Variants in GPR85 observed in about 807,000 individuals in gnomAD.
GPR85 encodes the protein probable G protein-coupled receptor 85.
Under a neutral mutation model 21.3 loss-of-function variants are expected in GPR85, and 7 were observed. The ratio of observed to expected loss-of-function variants is 0.33; its 90% confidence interval spans 0.19 to 0.62. GPR85 has a LOEUF of 0.62. GPR85 is among the 20% of genes least tolerant of loss of function. The pLI is 0.80. For synonymous variants in GPR85, 167 were observed against 166.1 expected (o/e 1.01, Z -0.04); for missense variants, 299 against 443.8 (o/e 0.67, Z 2.93).
At position 113,084,128 on chromosome 7, in the gene GPR85, T is replaced by C; in HGVS notation, c.594A>G (p.Thr198=). 6.2e-7 allele frequency: 1 copy of C among 1,614,102 alleles called. No homozygotes were observed. Among genetic ancestry groups the C allele is most frequent in the Non-Finnish European group, 8.5e-7 (1 of 1,180,000 alleles). Residue 198 remains threonine, a synonymous_variant, in exon 3 of 3, where the codon ACA becomes ACG. Transcript: ENST00000424100. ...MLLLALILLA[T]QLVYLKLIFF... ...ATATCAGCTTGAGGTAGACAAGCTG[T>C]GTGGCTAGGAGGATGAGAGCAAGAA...
rs1256721007 is a variant in GPR85, at chr7:113,086,735, C to G, written c.-702G>C. Among the ~76,000 whole-genome samples the G allele has an allele frequency of 6.6e-6, 1 of 152,056 alleles. No homozygotes were observed. The highest frequency in any genetic ancestry group is 1.5e-5 in the Non-Finnish European group (1 of 68,018). On this transcript the variant is annotated 5_prime_UTR_variant, in exon 1 of 3. Transcript: ENST00000424100. The stretch of plus-strand genomic sequence containing the variant: ...TTGTCCCTTCGTGGCTGCTTCTGAA[C>G]TTTTCCCTCCCCGCATTTGTAGTGG...
Position 113,086,396 on chromosome 7 carries a change from C to CTTTTTTGTTTTTTTTTTTGTTTTTTTT in GPR85, c.-364_-363insAAAAAAAACAAAAAAAAAAACAAAAAA, listed in dbSNP as rs1794282832. On this transcript the variant is annotated 5_prime_UTR_variant, in exon 1 of 3. Coordinates refer to ENST00000424100, the MANE Select transcript of GPR85 (RefSeq NM_001146267.2). ...CTGATTTTTTTCTTTTTTTCTTTTTCTTTTTTTTTTTTTTTTTTTTGTTTT... is the reference window on the plus strand; with the variant it reads ...CTGATTTTTTTCTTTTTTTCTTTTTCTTTTTTGTTTTTTTTTTTGTTTTTTTTTTTTTTTTTTTTTTTTTTTTGTTTT... The CTTTTTTGTTTTTTTTTTTGTTTTTTTT allele has an allele frequency of 2.1e-5, 1 of 48,066 alleles. No individual in the cohort carries two copies. Among genetic ancestry groups the CTTTTTTGTTTTTTTTTTTGTTTTTTTT allele is most frequent in the Non-Finnish European group, 3.6e-5 (1 of 28,132 alleles). The allele number at this position is 48,066 out of a possible 1,614,324, so 3.0% of individuals were successfully genotyped here.
rs1794296050 is a variant in GPR85, at chr7:113,086,417, G to GTTTTTTTTTTTTTTTTTTT, written c.-385_-384insAAAAAAAAAAAAAAAAAAA. On this transcript the variant is annotated 5_prime_UTR_variant, in exon 1 of 3. An upstream open reading frame in the 5' UTR loses its in-frame stop. Coordinates refer to ENST00000424100, the MANE Select transcript of GPR85 (RefSeq NM_001146267.2). ...TTTTCTTTTTTTTTTTTTTTTTTTT[G>GTTTTTTTTTTTTTTTTTTT]TTTTTTGTTTTTTTTTTTTTTTTTT... is the stretch of plus-strand genomic sequence containing the variant. The GTTTTTTTTTTTTTTTTTTT allele has an allele frequency of 6.0e-5, 4 of 66,632 alleles. No homozygotes were observed. The highest frequency in any genetic ancestry group is 5.0e-4 in the Admixed American group (2 of 3,978). The allele number at this position is 66,632 out of a possible 1,614,324, so 4.1% of individuals were successfully genotyped here.
intron 1 of GPR85, 94 bp from the exon 2 acceptor site, chr7:113,086,203 C>CACAG (rs1554401680): frequency 8.2e-4 from 20 of 24,518 alleles, no homozygotes; most frequent in African/African-American, 1.1e-3. Flanking sequence ...CAGAGACACA[C>CACAG]ACACACACAC....
rs17852761 is a variant in GPR85 at position 113,084,205 on chromosome 7, T to C, written c.517A>G (p.Thr173Ala). 6.2e-7 allele frequency: 1 copy of C among 1,614,092 alleles called. No homozygotes were observed. Among genetic ancestry groups the C allele is most frequent in the East Asian group, 2.2e-5 (1 of 44,868 alleles). Residue 173 changes from threonine to alanine, a missense_variant, in exon 3 of 3, where the codon ACC becomes GCC. Transcript: ENST00000424100. Reference protein sequence around the residue: ...YSFIREEDQCTFQHRSFRAND... With the variant: ...YSFIREEDQCAFQHRSFRAND... ...GCCCTGAAGGAGCGGTGTTGGAAGG[T>C]GCATTGATCTTCCTCCCTAATGAAT...
At position 113,084,677 on chromosome 7, in the gene GPR85, G is replaced by T. The variant is rs370779432; in HGVS notation, c.45C>A (p.Leu15=). The T allele has an allele frequency of 1.1e-5, 18 of 1,613,784 alleles. No individual in the cohort carries two copies. In the African/African-American group the frequency reaches 1.9e-4, roughly 17 times the overall value. Reference sequence around the variant, plus strand: ...GTTTCAGAAAGGCTGTTAGAGGCGAGAGATTTTGCAAAATGTTGTCAGCTG... The same window carrying T: ...GTTTCAGAAAGGCTGTTAGAGGCGATAGATTTTGCAAAATGTTGTCAGCTG... ...SHAADNILQN[L]SPLTAFLKLT... is the part of the protein sequence containing the mutation. The change falls in exon 3 of 3, where the codon CTC becomes CTA. Residue 15 remains leucine (L), a synonymous_variant. Coordinates refer to ENST00000424100, the MANE Select transcript of GPR85 (RefSeq NM_001146267.2).
At chr7:113,085,689 G>A (rs1459620946) in intron 2 of GPR85, among the ~76,000 whole-genome samples, 1 of 152,142 alleles carries the variant, frequency 6.6e-6, no homozygotes, top group African/African-American at 2.4e-5. Flanking sequence ...CAAATCACAA[G>A]TGGCTGCTTT....
Position 113,084,677 on chromosome 7 carries a change from G to A in GPR85, c.45C>T (p.Leu15=). 2 of 1,613,784 alleles carry A rather than the reference G, an allele frequency of 1.2e-6. No homozygotes were observed. The highest frequency in any genetic ancestry group is 1.7e-6 in the Non-Finnish European group (2 of 1,179,808). ...SHAADNILQN[L]SPLTAFLKLT... is the part of the protein sequence containing the mutation. Reference sequence around the variant, plus strand: ...GTTTCAGAAAGGCTGTTAGAGGCGAGAGATTTTGCAAAATGTTGTCAGCTG... The same window carrying A: ...GTTTCAGAAAGGCTGTTAGAGGCGAAAGATTTTGCAAAATGTTGTCAGCTG... Residue 15 remains leucine (L), a synonymous_variant, in exon 3 of 3, where the codon CTC becomes CTT. Transcript: ENST00000424100.
In GPR85 at chr7:113,083,975, C is replaced by G; in HGVS notation, c.747G>C (p.Arg249Ser). 6.2e-7 allele frequency: 1 copy of G among 1,614,178 alleles called. No homozygotes were observed. Among genetic ancestry groups the G allele is most frequent in the Non-Finnish European group, 8.5e-7 (1 of 1,180,022 alleles). The change falls in exon 3 of 3, where the codon AGG becomes AGC. Residue 249 changes from arginine to serine, a missense_variant. Around this residue, in one of 2 missense-constraint regions of GPR85, gnomAD observed 198 missense variants for 335.4 expected, o/e 0.59. Transcript: ENST00000424100. This position sits in a 1 kb window ranked among gnomAD's most constrained non-coding sequence, Gnocchi z 4.4. ...AAANWLAGFG[R>S]GPTPPTLLGI... ...CCAGCAAGGTGGGTGGTGTGGGACC[C>G]CTTCCAAATCCTGCTAGCCAATTGG...
In GPR85 at chr7:113,083,531, T is replaced by A. The variant is rs1478757770; in HGVS notation, c.*78A>T. On this transcript the variant is annotated 3_prime_UTR_variant, in exon 3 of 3. Coordinates refer to ENST00000424100, the MANE Select transcript of GPR85 (RefSeq NM_001146267.2). This position sits in a 1 kb window ranked among gnomAD's most constrained non-coding sequence, Gnocchi z 4.4. ...GCTGATTCCATTCTTGAATTTCTTC[T>A]CAAAATATGGCTATGGGCCACAATT... 8 of 1,318,842 alleles carry A rather than the reference T, an allele frequency of 6.1e-6. No individual in the cohort carries two copies. Among genetic ancestry groups the A allele is most frequent in the Non-Finnish European group, 7.3e-6 (7 of 953,192 alleles). The allele number at this position is 1,318,842 out of a possible 1,614,324, so 81.7% of individuals were successfully genotyped here. A position where few individuals can be genotyped will look rare whatever the true frequency, so the allele number is the denominator to read the frequency against.
chr7:113,083,919 C>T lies in GPR85; in HGVS notation c.803G>A (p.Arg268Lys). Residue 268 changes from arginine to lysine, a missense_variant, in exon 3 of 3, where the codon AGA becomes AAA. By Grantham distance (26) the Arg-to-Lys change is conservative. This residue lies in a region of GPR85 where 198 missense variants were observed against 335.4 expected (regional missense o/e 0.59). Coordinates refer to ENST00000424100, the MANE Select transcript of GPR85 (RefSeq NM_001146267.2). The surrounding 1 kb of genome is among the most constrained non-coding windows in gnomAD (Gnocchi z 4.4). ...CTCGTCTAAGACCAATAGCCTTCTT[C>T]TGCCTGTGGTGTTTGCATTTTGCCT... ...GIRQNANTTG[R>K]RRLLVLDEFK... 1.2e-6 allele frequency: 2 copies of T among 1,614,190 alleles called. No individual in the cohort carries two copies. Among genetic ancestry groups the T allele is most frequent in the Non-Finnish European group, 1.7e-6 (2 of 1,180,018 alleles).
chr7:113,085,745 G>A lies in GPR85; in HGVS notation c.-171+247C>T, dbSNP rs577230993. Among the ~76,000 whole-genome samples, 12 of 152,312 alleles carry A rather than the reference G, an allele frequency of 7.9e-5. 1 individual carries two copies. Among genetic ancestry groups the A allele is most frequent in the African/African-American group, 2.4e-4 (10 of 41,576 alleles). On this transcript the variant is annotated intron_variant, in intron 2 of 2. Coordinates refer to ENST00000424100, the MANE Select transcript of GPR85 (RefSeq NM_001146267.2). ...TCTCGCAGGTGCCTGGACCACACCA[G>A]GGAAATCGGCTTCCTCTGTTATTCC...
chr7:113,084,737 A>G lies in GPR85; in HGVS notation c.-16T>C. 6.3e-7 allele frequency: 1 copy of G among 1,597,406 alleles called. No homozygotes were observed. The highest frequency in any genetic ancestry group is 1.1e-5 in the South Asian group (1 of 88,614). On this transcript the variant is annotated 5_prime_UTR_variant, in exon 3 of 3. Transcript: ENST00000424100. Reference sequence around the variant, plus strand: ...AGTTCGCCATAGATGGATGGAGGATAAGGATACAGCCTCAGTCAAGTCTCA... The same window carrying G: ...AGTTCGCCATAGATGGATGGAGGATGAGGATACAGCCTCAGTCAAGTCTCA...
chr7:113,086,430 T>TTTTTTTTTTTTTTTTTTTTTTTTTTTTG lies in GPR85; in HGVS notation c.-398_-397insCAAAAAAAAAAAAAAAAAAAAAAAAAAA, dbSNP rs1794301281. 9.4e-6 allele frequency: 1 copy of TTTTTTTTTTTTTTTTTTTTTTTTTTTTG among 106,548 alleles called. No homozygotes were observed. The highest frequency in any genetic ancestry group is 3.8e-5 in the African/African-American group (1 of 26,090). 6.6% of individuals were successfully genotyped at this position (106,548 alleles called of 1,614,324 possible). A position where few individuals can be genotyped will look rare whatever the true frequency, so the allele number is the denominator to read the frequency against. ...TTTTTTTTTTTTGTTTTTTGTTTTT[T>TTTTTTTTTTTTTTTTTTTTTTTTTTTTG]TTTTTTTTTTTTTTGCCTTAGTGCC... On this transcript the variant is annotated 5_prime_UTR_variant, in exon 1 of 3. An upstream open reading frame in the 5' UTR loses its in-frame stop. Coordinates refer to ENST00000424100, the MANE Select transcript of GPR85 (RefSeq NM_001146267.2).
In GPR85 at chr7:113,086,397, T is replaced by TTTTTTTTTTTTTTTTTTTTTTTTC. The variant is rs1794286830; in HGVS notation, c.-365_-364insGAAAAAAAAAAAAAAAAAAAAAAA. 1 of 16,298 alleles carries TTTTTTTTTTTTTTTTTTTTTTTTC rather than the reference T, an allele frequency of 6.1e-5. No homozygotes were observed. Among genetic ancestry groups the TTTTTTTTTTTTTTTTTTTTTTTTC allele is most frequent in the Non-Finnish European group, 1.1e-4 (1 of 8,946 alleles). 1.0% of individuals were successfully genotyped at this position (16,298 alleles called of 1,614,324 possible). On this transcript the variant is annotated 5_prime_UTR_variant, in exon 1 of 3. Coordinates refer to ENST00000424100, the MANE Select transcript of GPR85 (RefSeq NM_001146267.2). ...TGATTTTTTTCTTTTTTTCTTTTTCTTTTTTTTTTTTTTTTTTTTGTTTTT... is the reference window on the plus strand; with the variant it reads ...TGATTTTTTTCTTTTTTTCTTTTTCTTTTTTTTTTTTTTTTTTTTTTTTCTTTTTTTTTTTTTTTTTTTGTTTTT...
chr7:113,083,894 C>T lies in GPR85; in HGVS notation c.828G>A (p.Glu276=). 1 of 1,614,152 alleles carries T rather than the reference C, an allele frequency of 6.2e-7. No homozygotes were observed. Among genetic ancestry groups the T allele is most frequent in the Non-Finnish European group, 8.5e-7 (1 of 1,180,018 alleles). Residue 276 remains glutamate (E), a synonymous_variant, in exon 3 of 3, where the codon GAG becomes GAA. Coordinates refer to ENST00000424100, the MANE Select transcript of GPR85 (RefSeq NM_001146267.2). The surrounding 1 kb of genome is among the most constrained non-coding windows in gnomAD (Gnocchi z 4.4). ...TGRRRLLVLD[E]FKMEKRISRM... is the part of the protein sequence containing the mutation. ...TGCTGATTCTTTTCTCCATTTTGAA[C>T]TCGTCTAAGACCAATAGCCTTCTTC...
rs770945564 is a variant in GPR85 at position 113,084,668 on chromosome 7, T to C, written c.54A>G (p.Leu18=). 1 of 1,613,818 alleles carries C rather than the reference T, an allele frequency of 6.2e-7. No individual in the cohort carries two copies. Among genetic ancestry groups the C allele is most frequent in the Non-Finnish European group, 8.5e-7 (1 of 1,179,820 alleles). The change falls in exon 3 of 3, where the codon CTA becomes CTG. Residue 18 remains leucine, a synonymous_variant. Coordinates refer to ENST00000424100, the MANE Select transcript of GPR85 (RefSeq NM_001146267.2). The part of the protein sequence containing the change: ...ADNILQNLSP[L]TAFLKLTSLG... Reference sequence around the variant, plus strand: ...AGGAAGTCAGTTTCAGAAAGGCTGTTAGAGGCGAGAGATTTTGCAAAATGT... The same window carrying C: ...AGGAAGTCAGTTTCAGAAAGGCTGTCAGAGGCGAGAGATTTTGCAAAATGT...
chr7:113,086,435 T>TTTTTTTTTTC lies in GPR85; in HGVS notation c.-403_-402insGAAAAAAAAA. 1 of 119,878 alleles carries TTTTTTTTTTC rather than the reference T, an allele frequency of 8.3e-6. No individual in the cohort carries two copies. Among genetic ancestry groups the TTTTTTTTTTC allele is most frequent in the Non-Finnish European group, 1.8e-5 (1 of 56,426 alleles). 7.4% of individuals were successfully genotyped at this position (119,878 alleles called of 1,614,324 possible). ...TTTTTTTGTTTTTTGTTTTTTTTTTTTTTTTTTTTGCCTTAGTGCCTTGAC... is the reference window on the plus strand; with the variant it reads ...TTTTTTTGTTTTTTGTTTTTTTTTTTTTTTTTTTTCTTTTTTTTTGCCTTAGTGCCTTGAC... On this transcript the variant is annotated 5_prime_UTR_variant, in exon 1 of 3. An upstream open reading frame in the 5' UTR gains an earlier in-frame stop. Transcript: ENST00000424100.
rs1172410456 is a variant in GPR85 at position 113,086,759 on chromosome 7, G to A, written c.-726C>T. 4.6e-5 allele frequency among the ~76,000 whole-genome samples: 7 copies of A among 151,948 alleles called. No individual in the cohort carries two copies. Among genetic ancestry groups the A allele is most frequent in the Admixed American group, 4.6e-4 (7 of 15,266 alleles). On this transcript the variant is annotated 5_prime_UTR_variant, in exon 1 of 3. Coordinates refer to ENST00000424100, the MANE Select transcript of GPR85 (RefSeq NM_001146267.2). ...ACTTTTCCCTCCCCGCATTTGTAGT[G>A]GGGGGCTGGAAAGGCCCTTTCAGGA...
Sources: gnomAD v4.1 joint callset for allele counts (sites outside exome capture counted in the v4.1 genomes callset) on GRCh38, gnomAD v4.1.1 for gene constraint, gnomAD v4.1.1 regional missense constraint, Gnocchi (gnomAD v3.1) non-coding constraint, MANE v1.5 for transcripts, NCBI Gene and HGNC (gene_info 2026-07-23, HGNC 2026-07-21) for gene names.